The following CYTH3 variants were observed in gnomAD, a reference collection of about 807,000 sequenced individuals.
CYTH3 encodes the protein cytohesin 3, also known as cytohesin-3.
In CYTH3, 23 loss-of-function variants were observed where a neutral mutation model predicts 55.1. That is an observed-to-expected ratio of 0.42 (90% CI 0.30 to 0.59). The LOEUF is 0.59. Among genes scored for constraint, CYTH3 ranks in the 20% least tolerant of loss-of-function variants. The pLI is 0.20. For synonymous variants in CYTH3, 249 were observed against 194.9 expected (o/e 1.28, Z -2.31); for missense variants, 413 against 524.8 (o/e 0.79, Z 2.08).
intron 1 of CYTH3, among the ~76,000 whole-genome samples, chr7:6,255,974 A>G (rs924483776): frequency 6.6e-6 from 1 of 152,038 alleles, no homozygotes. Context: ...TGTGTTAGCC[A>G]GGATGGTCTC....
intron 1 of CYTH3, among the ~76,000 whole-genome samples, chr7:6,256,462 TAAC>T (rs903111300): frequency 2.6e-5 from 4 of 152,184 alleles, no homozygotes; most frequent in Non-Finnish European, 5.9e-5. Context: ...GCGCAGAACT[TAAC>T]AAGACTTCTG....
chr7:6,194,884 A>G (rs1453157175), intron 1 of CYTH3, among the ~76,000 whole-genome samples: 3 of 152,166 alleles, frequency 2.0e-5, no homozygotes, highest in Non-Finnish European at 4.4e-5. Context: ...CTGAGGCGGG[A>G]GAATCACTTG....
At chr7:6,181,467 C>T (rs1254335671) in intron 4 of CYTH3, among the ~76,000 whole-genome samples, 1 of 152,178 alleles carries the variant, frequency 6.6e-6, no homozygotes, top group Non-Finnish European at 1.5e-5. Context: ...GTCTTTGATC[C>T]AGCATCCCTG....
chr7:6,269,312 T>C (rs1780591114), intron 1 of CYTH3, among the ~76,000 whole-genome samples: 1 of 152,228 alleles, frequency 6.6e-6, no homozygotes, highest in African/African-American at 2.4e-5. Flanking sequence ...AGACTTTGTA[T>C]ACTTGGGGGT....
rs1423392516 is a variant in CYTH3, at chr7:6,202,469, T to G, written c.35-11938A>C. On this transcript the variant is annotated intron_variant, in intron 1 of 12. Transcript: ENST00000350796. ...CAGGCCATTGCTAGTTTTTTTTTTTTTTTTTTTTTTGAGACAGGGTTTCGC... is the reference window on the plus strand; with the variant it reads ...CAGGCCATTGCTAGTTTTTTTTTTTGTTTTTTTTTTGAGACAGGGTTTCGC... Among the ~76,000 whole-genome samples the G allele has an allele frequency of 4.0e-5, 6 of 151,072 alleles. No individual in the cohort carries two copies. The South Asian group carries it at 6.3e-4, about 16-fold the overall frequency.
rs1229798399 is a variant in CYTH3 at position 6,169,322 on chromosome 7, G to A, written c.823+1213C>T. On this transcript the variant is annotated intron_variant, in intron 9 of 12. Transcript: ENST00000350796. This position sits in a 1 kb window ranked among gnomAD's most constrained non-coding sequence, Gnocchi z 4.1. ...TGGAGCCTCAACCTCCTGGGCTCAG[G>A]CCATCCTCCTGCCTCAGCCTCCCTA... 1.3e-5 allele frequency among the ~76,000 whole-genome samples: 2 copies of A among 152,144 alleles called. No individual in the cohort carries two copies. The highest frequency in any genetic ancestry group is 2.9e-5 in the Non-Finnish European group (2 of 68,012).
intron 5 of CYTH3, among the ~76,000 whole-genome samples, 163 bp from the exon 6 acceptor site, chr7:6,173,896 T>C (rs983528749): frequency 2.0e-5 from 3 of 152,232 alleles, no homozygotes; most frequent in Admixed American, 1.3e-4. Context: ...GGGCTGGCCA[T>C]GTTACCCAGG....
In CYTH3 at chr7:6,163,129, CAG is replaced by C. The variant is rs1353675956; in HGVS notation, c.*1813_*1814del. 5 of 152,772 alleles carry C rather than the reference CAG, an allele frequency of 3.3e-5. No individual in the cohort carries two copies. Among genetic ancestry groups the C allele is most frequent in the East Asian group, 1.9e-4 (1 of 5,190 alleles). The allele number at this position is 152,772 out of a possible 1,614,324, so 9.5% of individuals were successfully genotyped here. ...GTGGGAATGAAAGTCTGATGCAGGA[CAG>C]GGGTTTCTGGCCTCGGACCCCTCTG... On this transcript the variant is annotated 3_prime_UTR_variant, in exon 13 of 13. Transcript: ENST00000350796.
chr7:6,243,032 T>G (rs1030217647), intron 1 of CYTH3, among the ~76,000 whole-genome samples: 1 of 152,206 alleles, frequency 6.6e-6, no homozygotes, highest in Admixed American at 6.5e-5. Context: ...GTAAAACTTG[T>G]GCCTCCCAAG....
At chr7:6,222,576 C>A (rs1385540825) in intron 1 of CYTH3, among the ~76,000 whole-genome samples, 1 of 151,972 alleles carries the variant, frequency 6.6e-6, no homozygotes, top group Non-Finnish European at 1.5e-5. Context: ...GAAACCCCGT[C>A]TCTACTAAAA....
At chr7:6,271,260 C>G (rs1780644775) in intron 1 of CYTH3, among the ~76,000 whole-genome samples, 1 of 152,198 alleles carries the variant, frequency 6.6e-6, no homozygotes. Flanking sequence ...ACCATCCTGG[C>G]TGCATCGCGT....
At chr7:6,272,326 G>A (rs1780685592) in intron 1 of CYTH3, 148 bp downstream of exon 1, 4 of 617,560 alleles carry the variant, frequency 6.5e-6, no homozygotes, top group South Asian at 1.4e-4. Flanking sequence ...CTGGCCCGGC[G>A]TGCCTCAGGC....
At chr7:6,213,339 C>T (rs1445903959) in intron 1 of CYTH3, among the ~76,000 whole-genome samples, 1 of 152,152 alleles carries the variant, frequency 6.6e-6, no homozygotes, top group Non-Finnish European at 1.5e-5. Context: ...CAGCACTATC[C>T]GTTGTTGCAT....
intron 1 of CYTH3, among the ~76,000 whole-genome samples, chr7:6,242,984 T>C (rs941419554): frequency 2.6e-5 from 4 of 152,108 alleles, no homozygotes; most frequent in African/African-American, 9.7e-5. Flanking sequence ...CAGCTTGCCA[T>C]GGGTGTCCTG....
At chr7:6,185,580 G>C (rs1783621964) in intron 4 of CYTH3, among the ~76,000 whole-genome samples, 1 of 151,860 alleles carries the variant, frequency 6.6e-6, no homozygotes, top group South Asian at 2.1e-4. Context: ...GGCACCTGTA[G>C]TCCCAGCTAC....
chr7:6,234,688 T>A (rs553862635), intron 1 of CYTH3, among the ~76,000 whole-genome samples: 14 of 152,250 alleles, frequency 9.2e-5, no homozygotes, highest in Non-Finnish European at 1.9e-4. Context: ...GAGTGCAAAC[T>A]GGGAGAGCTG....
chr7:6,219,450 A>G (rs1784497927), intron 1 of CYTH3, among the ~76,000 whole-genome samples: 1 of 152,250 alleles, frequency 6.6e-6, no homozygotes, highest in African/African-American at 2.4e-5. Flanking sequence ...TAGGAGATTC[A>G]CTGGCAGGAA....
At chr7:6,241,352 T>C (rs1162056612) in intron 1 of CYTH3, among the ~76,000 whole-genome samples, 3 of 152,038 alleles carry the variant, frequency 2.0e-5, no homozygotes, top group Non-Finnish European at 4.4e-5. Flanking sequence ...GAAGAGCAAA[T>C]GCAAACTAAA....
Position 6,164,524 on chromosome 7 carries a change from A to C in CYTH3, c.*420T>G. On this transcript the variant is annotated 3_prime_UTR_variant, in exon 13 of 13. Coordinates refer to ENST00000350796, the MANE Select transcript of CYTH3 (RefSeq NM_004227.4). ...GAACGGTTAATACTGCCCCGAGTGAATGCGTTTGGCATGGTACGAATGAGG... is the reference window on the plus strand; with the variant it reads ...GAACGGTTAATACTGCCCCGAGTGACTGCGTTTGGCATGGTACGAATGAGG... The C allele has an allele frequency of 5.4e-6, 1 of 183,690 alleles. No homozygotes were observed. Among genetic ancestry groups the C allele is most frequent in the Non-Finnish European group, 1.1e-5 (1 of 88,992 alleles). 11.4% of individuals were successfully genotyped at this position (183,690 alleles called of 1,614,324 possible).
Sources: gnomAD v4.1 joint callset for allele counts (sites outside exome capture counted in the v4.1 genomes callset) on GRCh38, gnomAD v4.1.1 for gene constraint, Gnocchi (gnomAD v3.1) non-coding constraint, MANE v1.5 for transcripts, NCBI Gene and HGNC (gene_info 2026-07-23, HGNC 2026-07-21) for gene names.